The following UST variants were observed in gnomAD, a reference collection of about 807,000 sequenced individuals.
The protein encoded by UST is chondroitin sulfate 2-O-sulfotransferase.
UST carries 21 observed loss-of-function variants against 45.6 expected under a neutral mutation model. That is an observed-to-expected ratio of 0.46 (90% CI 0.33 to 0.66). UST has a LOEUF of 0.66. Among genes scored for constraint, UST ranks in the 30% least tolerant of loss-of-function variants. The probability of loss-of-function intolerance (pLI) is 0.02; values close to 1 mark genes in which losing one functional copy is unlikely to be tolerated. For synonymous variants in UST, 215 were observed against 200.6 expected, an observed-to-expected ratio of 1.07 and a Z score of -0.61; for missense variants, 463 against 512.4, an observed-to-expected ratio of 0.90 and a Z score of 0.93.
At chr6:148,830,199 G>T (rs1022180671) in intron 1 of UST, among the ~76,000 whole-genome samples, 4 of 152,140 alleles carry the variant, frequency 2.6e-5, no homozygotes, top group Non-Finnish European at 5.9e-5. Context: ...GTGCTTTGTA[G>T]AATTTGCTGG....
At chr6:149,004,638 A>G (rs931165985) in intron 5 of UST, among the ~76,000 whole-genome samples, 1 of 152,226 alleles carries the variant, frequency 6.6e-6, no homozygotes, top group African/African-American at 2.4e-5. Context: ...AAAGCAAATC[A>G]GACCACACTC....
chr6:149,002,135 T>A (rs1781561738), intron 5 of UST, among the ~76,000 whole-genome samples: 1 of 150,114 alleles, frequency 6.7e-6, no homozygotes, highest in Admixed American at 6.7e-5. Context: ...CATCCATGTG[T>A]TTGAAAAAAA....
chr6:148,751,473 T>C (rs1775990590), intron 1 of UST, among the ~76,000 whole-genome samples: 1 of 152,134 alleles, frequency 6.6e-6, no homozygotes, highest in Admixed American at 6.5e-5. Flanking sequence ...CTCTTCCCCA[T>C]AGGAGACAGT....
At position 148,848,869 on chromosome 6, in the gene UST, C is replaced by T. The variant is rs992161272; in HGVS notation, c.248-38117C>T. Among the ~76,000 whole-genome samples, 8 of 152,154 alleles carry T rather than the reference C, an allele frequency of 5.3e-5. No individual in the cohort carries two copies. The East Asian group carries it at 1.5e-3, about 29-fold the overall frequency. ...TAACCAAGAGGGGCCGGTAGTGTGG[C>T]TCAGTCCAAGTCAGAAGGCCCAAGA... is the stretch of plus-strand genomic sequence containing the variant. On this transcript the variant is annotated intron_variant, in intron 1 of 7. Transcript: ENST00000367463.
chr6:149,049,967 G>GACACA (rs1562339800), intron 7 of UST, among the ~76,000 whole-genome samples: 9 of 89,140 alleles, frequency 1.0e-4, no homozygotes, highest in Non-Finnish European at 1.8e-4. Context: ...ACACACACAC[G>GACACA]TGGCCCTTTC....
At chr6:148,962,648 G>T (rs1392615269) in intron 4 of UST, among the ~76,000 whole-genome samples, 1 of 152,188 alleles carries the variant, frequency 6.6e-6, no homozygotes, top group Non-Finnish European at 1.5e-5. Context: ...TTACATGAAT[G>T]TGTATTTCTG....
Position 148,747,353 on chromosome 6 carries a change from A to G in UST, c.-78A>G, listed in dbSNP as rs913760407. 6.5e-5 allele frequency: 88 copies of G among 1,352,964 alleles called. No homozygotes were observed. Among genetic ancestry groups the G allele is most frequent in the Non-Finnish European group, 1.3e-5 (14 of 1,048,244 alleles). 83.8% of individuals were successfully genotyped at this position (1,352,964 alleles called of 1,614,324 possible). ...CGGCCCTCCCCATGTGCAGCCGGCCAGCCGGGCTCTCCTCCTCGCGGCGGA... is the reference window on the plus strand; with the variant it reads ...CGGCCCTCCCCATGTGCAGCCGGCCGGCCGGGCTCTCCTCCTCGCGGCGGA... On this transcript the variant is annotated 5_prime_UTR_variant, in exon 1 of 8. Coordinates refer to ENST00000367463, the MANE Select transcript of UST (RefSeq NM_005715.3).
chr6:148,947,298 C>G (rs1198601186), intron 3 of UST, among the ~76,000 whole-genome samples: 1 of 152,136 alleles, frequency 6.6e-6, no homozygotes, highest in East Asian at 1.9e-4. Context: ...AATAATGGAA[C>G]ACTAGGCATA....
chr6:148,821,178 A>G (rs1028980217), intron 1 of UST, among the ~76,000 whole-genome samples: 4 of 151,080 alleles, frequency 2.6e-5, no homozygotes, highest in Non-Finnish European at 5.9e-5. Flanking sequence ...GCCATGTTGG[A>G]TAGGCTGGTC....
At chr6:148,914,180 A>G (rs114683047) in intron 2 of UST, among the ~76,000 whole-genome samples, 24 of 152,332 alleles carry the variant, frequency 1.6e-4, no homozygotes, top group Admixed American at 2.6e-4. Flanking sequence ...ATTGTACTGC[A>G]TTAGGAGATA....
chr6:148,922,007 A>G (rs530037560), intron 2 of UST, among the ~76,000 whole-genome samples: 1 of 152,318 alleles, frequency 6.6e-6, no homozygotes, highest in Admixed American at 6.5e-5. Flanking sequence ...CAGATTTAAC[A>G]TGAGAGGGGA....
chr6:148,918,480 T>C (rs1779633077), intron 2 of UST, among the ~76,000 whole-genome samples: 1 of 152,256 alleles, frequency 6.6e-6, no homozygotes, highest in Admixed American at 6.5e-5. Context: ...GACAATGTGC[T>C]TTTTAAAGAA....
chr6:148,912,906 T>C (rs945851299), intron 2 of UST, among the ~76,000 whole-genome samples: 6 of 152,206 alleles, frequency 3.9e-5, no homozygotes, highest in African/African-American at 1.4e-4. Context: ...AAGGATCAGT[T>C]ATCAGTGGTA....
intron 5 of UST, among the ~76,000 whole-genome samples, chr6:148,967,322 G>A (rs978716479): frequency 2.6e-5 from 4 of 151,634 alleles, no homozygotes; most frequent in South Asian, 2.1e-4. Context: ...GCAGAAACTC[G>A]GGGGGGCTCA....
chr6:148,773,798 G>A (rs781612199), intron 1 of UST, among the ~76,000 whole-genome samples: 10 of 152,114 alleles, frequency 6.6e-5, no homozygotes, highest in Non-Finnish European at 1.0e-4. Flanking sequence ...TTTTTTGTAC[G>A]TGGGGCGCCA....
chr6:149,025,045 C>T (rs1006357185), intron 7 of UST, among the ~76,000 whole-genome samples: 1 of 152,110 alleles, frequency 6.6e-6, no homozygotes, highest in Non-Finnish European at 1.5e-5. Context: ...AGAAAAAACA[C>T]TAATAGCAAT....
intron 7 of UST, among the ~76,000 whole-genome samples, chr6:149,033,969 C>T (rs1776193090): frequency 6.6e-6 from 1 of 152,282 alleles, no homozygotes; most frequent in East Asian, 1.9e-4. Flanking sequence ...CGGATAATCA[C>T]CGCGCTATCT....
chr6:148,973,361 A>G lies in UST; in HGVS notation c.681+8798A>G, dbSNP rs944495791. ...GAATAAAATATTTTAGCATCTGGAC[A>G]TCTTTTTATTTAGGTTGACGAGGCA... On this transcript the variant is annotated intron_variant, in intron 5 of 7. Coordinates refer to ENST00000367463, the MANE Select transcript of UST (RefSeq NM_005715.3). Among the ~76,000 whole-genome samples, 3 of 152,222 alleles carry G rather than the reference A, an allele frequency of 2.0e-5. No homozygotes were observed. In the East Asian group the frequency reaches 5.8e-4, roughly 29 times the overall value.
At chr6:148,881,664 C>G (rs1056102589) in intron 1 of UST, among the ~76,000 whole-genome samples, 2 of 152,232 alleles carry the variant, frequency 1.3e-5, no homozygotes, top group African/African-American at 4.8e-5. Flanking sequence ...GCTCCATGCT[C>G]AAAGGCCTGG....
Sources: gnomAD v4.1 joint callset for allele counts (sites outside exome capture counted in the v4.1 genomes callset) on GRCh38, gnomAD v4.1.1 for gene constraint, MANE v1.5 for transcripts, NCBI Gene and HGNC (gene_info 2026-07-23, HGNC 2026-07-21) for gene names.